Variants in SGSM1 observed in about 807,000 individuals in gnomAD.
SGSM1 encodes small G protein signaling modulator 1.
A neutral mutation model predicts 133.8 loss-of-function variants in SGSM1; 73 were observed. The observed-to-expected ratio is 0.55, with a 90% CI of 0.45 to 0.66. The LOEUF is 0.66. Ranked by LOEUF, SGSM1 falls within the 30% of genes least tolerant of loss-of-function variation. The probability of loss-of-function intolerance (pLI) is 0.00; values close to 1 mark genes in which losing one functional copy is unlikely to be tolerated. For synonymous variants in SGSM1, 563 were observed against 573.0 expected, an observed-to-expected ratio of 0.98 and a Z score of 0.25; for missense variants, 1,213 against 1,448.1, an observed-to-expected ratio of 0.84 and a Z score of 2.64.
At chr22:24,917,840 G>A (rs1933873163) in intron 23 of SGSM1, 86 bp downstream of exon 23, 1 of 1,142,864 alleles carries the variant, frequency 8.7e-7, no homozygotes, top group Non-Finnish European at 1.3e-6. Context: ...TGAGGTTGAG[G>A]GGTTGGCAAC....
chr22:24,916,051 T>TA (rs1259906896), intron 22 of SGSM1, among the ~76,000 whole-genome samples: 2 of 151,208 alleles, frequency 1.3e-5, no homozygotes, highest in South Asian at 2.1e-4. Flanking sequence ...TGTTTTTTTT[T>TA]ATAAGAGTTT....
chr22:24,920,067 TGAA>T, intron 24 of SGSM1, 74 bp downstream of exon 24: 1 of 1,477,840 alleles, frequency 6.8e-7, no homozygotes, highest in Non-Finnish European at 9.1e-7. Context: ...TCAGGAGGAA[TGAA>T]GATGGGCTGA....
intron 12 of SGSM1, among the ~76,000 whole-genome samples, chr22:24,875,921 A>G (rs994139605): frequency 3.9e-5 from 6 of 152,224 alleles, no homozygotes; most frequent in African/African-American, 1.4e-4. Context: ...CTGCTGTATC[A>G]AAATTGCTTT....
chr22:24,869,940 T>G (rs1931685339), intron 12 of SGSM1, among the ~76,000 whole-genome samples: 1 of 152,260 alleles, frequency 6.6e-6, no homozygotes, highest in South Asian at 2.1e-4. Context: ...TATGGGTGTC[T>G]GTTAAACAAA....
At chr22:24,855,128 C>T in intron 6 of SGSM1, 65 bp downstream of exon 6, 1 of 1,567,378 alleles carries the variant, frequency 6.4e-7, no homozygotes. Context: ...GGCACCTTCT[C>T]CAGGACTCTC....
intron 21 of SGSM1, among the ~76,000 whole-genome samples, chr22:24,910,311 G>A (rs1369237754): frequency 6.6e-6 from 1 of 152,158 alleles, no homozygotes; most frequent in African/African-American, 2.4e-5. Flanking sequence ...AAACCACTAA[G>A]TGGTACATTT....
At chr22:24,868,987 G>A (rs180824229) in intron 12 of SGSM1, 132 bp downstream of exon 12, 75 of 1,354,568 alleles carry the variant, frequency 5.5e-5, no homozygotes, top group Middle Eastern at 2.7e-4. Context: ...ACAGAAAGTC[G>A]GTTTCTTGGC....
chr22:24,811,380 A>G (rs1261157572), intron 2 of SGSM1, among the ~76,000 whole-genome samples: 1 of 150,530 alleles, frequency 6.6e-6, no homozygotes. Context: ...TGAACAACTC[A>G]TTCTTACTGC....
intron 12 of SGSM1, among the ~76,000 whole-genome samples, chr22:24,874,174 A>G (rs768563795): frequency 2.0e-5 from 3 of 152,232 alleles, no homozygotes; most frequent in African/African-American, 4.8e-5. Flanking sequence ...GTGAAGAACA[A>G]TAACTGGTTT....
In SGSM1 at chr22:24,917,668, C is replaced by A; in HGVS notation, c.2939C>A (p.Ser980Ter). 6.2e-7 allele frequency: 1 copy of A among 1,613,396 alleles called. No individual in the cohort carries two copies. Among genetic ancestry groups the A allele is most frequent in the Non-Finnish European group, 8.5e-7 (1 of 1,179,604 alleles). Residue 980 changes from serine (S) to a stop codon, truncating the protein, a stop_gained, in exon 23 of 25, where the codon TCA becomes TAA. Transcript: ENST00000400358. LOFTEE classifies it high-confidence loss of function. ...TTCCTTCCTTGACAGATCCTGGACTCAGAGCTGTTTGAGCTGATGCATCAG... is the reference window on the plus strand; with the variant it reads ...TTCCTTCCTTGACAGATCCTGGACTAAGAGCTGTTTGAGCTGATGCATCAG... ...NMRSLIQILDSELFELMHQNG... is the reference protein window; with the variant it reads ...NMRSLIQILD
chr22:24,917,808 A>C (rs1272455258), intron 23 of SGSM1, 54 bp downstream of exon 23: 7 of 1,476,318 alleles, frequency 4.7e-6, no homozygotes, highest in Non-Finnish European at 4.7e-6. Context: ...CAGAACTTTC[A>C]GGGGAAAAGA....
At chr22:24,923,470 G>T (rs547140410) in intron 24 of SGSM1, among the ~76,000 whole-genome samples, 11 of 151,946 alleles carry the variant, frequency 7.2e-5, no homozygotes, top group East Asian at 1.9e-4. Flanking sequence ...TTTTTCTTTG[G>T]TTTTTTTGTC....
chr22:24,907,663 G>A (rs1045698847), intron 21 of SGSM1, among the ~76,000 whole-genome samples: 2 of 151,814 alleles, frequency 1.3e-5, no homozygotes, highest in East Asian at 3.9e-4. Context: ...AGTGTCTCAC[G>A]CCTGTAATCC....
intron 5 of SGSM1, among the ~76,000 whole-genome samples, chr22:24,850,682 G>C (rs533567272): frequency 1.6e-4 from 25 of 152,176 alleles, no homozygotes; most frequent in Non-Finnish European, 2.8e-4. Flanking sequence ...TTCAATAACT[G>C]TGTGGCCCTA....
chr22:24,901,772 G>A, intron 19 of SGSM1, 61 bp from the exon 20 acceptor site: 5 of 1,576,306 alleles, frequency 3.2e-6, no homozygotes, highest in Non-Finnish European at 4.3e-6. Context: ...CTGCTTTCCA[G>A]TGGGGACTTA....
chr22:24,883,147 G>A (rs1310046966), intron 14 of SGSM1, among the ~76,000 whole-genome samples: 6 of 151,458 alleles, frequency 4.0e-5, no homozygotes, highest in South Asian at 4.2e-4. Context: ...CTCGTGATCC[G>A]CCCGCCTCAG....
chr22:24,837,623 C>T (rs1171714813), intron 2 of SGSM1, among the ~76,000 whole-genome samples: 2 of 133,994 alleles, frequency 1.5e-5, no homozygotes, highest in Non-Finnish European at 3.1e-5. Flanking sequence ...GGGTGTTGTT[C>T]CTTGACACCT....
At chr22:24,878,747 C>T (rs1932162782) in intron 13 of SGSM1, among the ~76,000 whole-genome samples, 1 of 152,212 alleles carries the variant, frequency 6.6e-6, no homozygotes, top group Non-Finnish European at 1.5e-5. Flanking sequence ...TTTGAGGCAT[C>T]ACCTACTTAG....
At chr22:24,923,382 A>G (rs1352479909) in intron 24 of SGSM1, among the ~76,000 whole-genome samples, 1 of 152,082 alleles carries the variant, frequency 6.6e-6, no homozygotes, top group African/African-American at 2.4e-5. Context: ...TAAATGGTTT[A>G]TTTATGATAA....
Sources: gnomAD v4.1 joint callset for allele counts (sites outside exome capture counted in the v4.1 genomes callset) on GRCh38, gnomAD v4.1.1 for gene constraint, MANE v1.5 for transcripts, NCBI Gene and HGNC (gene_info 2026-07-23, HGNC 2026-07-21) for gene names.